The following CNTNAP5 variants were observed in gnomAD, a reference collection of about 807,000 sequenced individuals.
CNTNAP5 encodes contactin-associated protein-like 5.
Under a neutral mutation model 150.2 loss-of-function variants are expected in CNTNAP5, and 72 were observed. The ratio of observed to expected loss-of-function variants is 0.48; its 90% CI spans 0.40 to 0.58. The LOEUF is 0.58. CNTNAP5 is among the 20% of genes least tolerant of loss of function. The probability of loss-of-function intolerance (pLI) is 0.00; values close to 1 mark genes in which losing one functional copy is unlikely to be tolerated. For synonymous variants in CNTNAP5, 672 were observed against 619.8 expected, an observed-to-expected ratio of 1.08 and a Z score of -1.25; for missense variants, 1,636 against 1,626.2, an observed-to-expected ratio of 1.01 and a Z score of -0.10.
At chr2:124,281,193 T>G (rs1354608265) in intron 3 of CNTNAP5, among the ~76,000 whole-genome samples, 2 of 152,136 alleles carry the variant, frequency 1.3e-5, no homozygotes, top group African/African-American at 4.8e-5. Context: ...AGAAAATTTT[T>G]GAAGAATAAA....
At chr2:124,617,295 A>G (rs1332944684) in intron 12 of CNTNAP5, among the ~76,000 whole-genome samples, 2 of 152,122 alleles carry the variant, frequency 1.3e-5, no homozygotes, top group African/African-American at 4.8e-5. Context: ...TGGGTGACTT[A>G]TAAAACAGAG....
At position 124,040,309 on chromosome 2, in the gene CNTNAP5, T is replaced by A. The variant is rs140823498; in HGVS notation, c.82+14577T>A. 1.3e-3 allele frequency among the ~76,000 whole-genome samples: 195 copies of A among 152,266 alleles called. 1 individual carries two copies. The highest frequency in any genetic ancestry group is 4.3e-3 in the African/African-American group (177 of 41,532). On this transcript the variant is annotated intron_variant, in intron 1 of 23. Coordinates refer to ENST00000682447, the MANE Select transcript of CNTNAP5 (RefSeq NM_001367498.1). ...CAGGAGATCGTGATATTTGATCATA[T>A]GGATAGTAAGTACACATTGGATTAG...
chr2:124,295,459 T>C (rs1390051793), intron 3 of CNTNAP5, among the ~76,000 whole-genome samples: 1 of 152,218 alleles, frequency 6.6e-6, no homozygotes, highest in African/African-American at 2.4e-5. Flanking sequence ...TCCTTCTGAT[T>C]GTCCTTATGG....
At chr2:124,248,911 T>C (rs1407916692) in intron 3 of CNTNAP5, among the ~76,000 whole-genome samples, 1 of 152,198 alleles carries the variant, frequency 6.6e-6, no homozygotes, top group Non-Finnish European at 1.5e-5. Flanking sequence ...CTGCTTAAAA[T>C]TAATTCTCCT....
chr2:124,696,781 AC>A (rs1402896934), intron 13 of CNTNAP5, among the ~76,000 whole-genome samples: 1 of 152,166 alleles, frequency 6.6e-6, no homozygotes, highest in East Asian at 1.9e-4. Context: ...CACCATCACC[AC>A]TAAACACACA....
At chr2:124,660,503 T>C (rs1385256367) in intron 13 of CNTNAP5, among the ~76,000 whole-genome samples, 2 of 152,052 alleles carry the variant, frequency 1.3e-5, no homozygotes, top group African/African-American at 2.4e-5. Flanking sequence ...TAAAAAGAAA[T>C]AGGTGAAATT....
intron 1 of CNTNAP5, among the ~76,000 whole-genome samples, chr2:124,062,073 CTATCAA>C (rs1682024579): frequency 6.6e-6 from 1 of 151,660 alleles, no homozygotes; most frequent in Admixed American, 6.6e-5. Flanking sequence ...TCAGGGCTAC[CTATCAA>C]CTAAATCCAG....
chr2:124,669,994 A>T (rs763138776), intron 13 of CNTNAP5, among the ~76,000 whole-genome samples: 4 of 152,256 alleles, frequency 2.6e-5, no homozygotes, highest in Non-Finnish European at 5.9e-5. Flanking sequence ...TCAGTGATCC[A>T]GTGTCCATCC....
intron 13 of CNTNAP5, among the ~76,000 whole-genome samples, chr2:124,680,003 T>A (rs1679029676): frequency 6.6e-6 from 1 of 151,828 alleles, no homozygotes. Flanking sequence ...TGTATTTCCA[T>A]CGATTTTTTA....
At chr2:124,875,907 G>C (rs971100546) in intron 21 of CNTNAP5, among the ~76,000 whole-genome samples, 2 of 151,968 alleles carry the variant, frequency 1.3e-5, no homozygotes, top group African/African-American at 4.8e-5. Context: ...AACAACAAAA[G>C]AGAAAACAAT....
intron 3 of CNTNAP5, among the ~76,000 whole-genome samples, chr2:124,357,220 G>A (rs1387410725): frequency 2.0e-5 from 3 of 152,136 alleles, no homozygotes; most frequent in Admixed American, 6.5e-5. Context: ...TTTGCCAGAC[G>A]AGTAGGTTAC....
intron 10 of CNTNAP5, among the ~76,000 whole-genome samples, chr2:124,559,260 T>C (rs945682640): frequency 1.3e-5 from 2 of 152,238 alleles, no homozygotes. Context: ...TTTAACCCTC[T>C]GACTTTTTTT....
At chr2:124,865,247 T>A (rs1461734365) in intron 19 of CNTNAP5, 59 bp from the exon 20 acceptor site, 3 of 1,374,156 alleles carry the variant, frequency 2.2e-6, no homozygotes, top group Non-Finnish European at 2.0e-6. Context: ...AATCTGATCA[T>A]GTCTTTGCAT....
At chr2:124,675,292 T>A (rs1678915444) in intron 13 of CNTNAP5, among the ~76,000 whole-genome samples, 1 of 152,174 alleles carries the variant, frequency 6.6e-6, no homozygotes, top group Non-Finnish European at 1.5e-5. Context: ...TTTATAGTTA[T>A]GCTTGCATGG....
intron 10 of CNTNAP5, among the ~76,000 whole-genome samples, chr2:124,545,818 A>G (rs149974433): frequency 3.3e-5 from 5 of 152,288 alleles, no homozygotes; most frequent in South Asian, 4.1e-4. Flanking sequence ...CAAGCCAAGT[A>G]CAGTAGCACA....
At chr2:124,232,721 T>G (rs919655697) in intron 2 of CNTNAP5, among the ~76,000 whole-genome samples, 3 of 152,170 alleles carry the variant, frequency 2.0e-5, no homozygotes, top group Non-Finnish European at 2.9e-5. Flanking sequence ...TGAAAATGTT[T>G]CATTAAAAAT....
At chr2:124,510,516 T>TATATATATACAC (rs1553474741) in intron 8 of CNTNAP5, among the ~76,000 whole-genome samples, 1 of 123,218 alleles carries the variant, frequency 8.1e-6, no homozygotes, top group African/African-American at 3.4e-5. Context: ...TATATATATA[T>TATATATATACAC]ATACATATAT....
chr2:124,651,959 C>A (rs1052617862), intron 13 of CNTNAP5, among the ~76,000 whole-genome samples: 1 of 152,180 alleles, frequency 6.6e-6, no homozygotes, highest in Non-Finnish European at 1.5e-5. Context: ...GGCTCTGGTT[C>A]CATTCATTTA....
At chr2:124,750,045 G>A (rs921081626) in intron 14 of CNTNAP5, among the ~76,000 whole-genome samples, 39 of 152,264 alleles carry the variant, frequency 2.6e-4, no homozygotes, top group African/African-American at 7.0e-4. Context: ...CATCTAGAGT[G>A]AGCCCAGAGG....
Sources: gnomAD v4.1 joint callset for allele counts (sites outside exome capture counted in the v4.1 genomes callset) on GRCh38, gnomAD v4.1.1 for gene constraint, MANE v1.5 for transcripts, NCBI Gene and HGNC (gene_info 2026-07-23, HGNC 2026-07-21) for gene names.